Variants in L2HGDH observed in about 807,000 individuals in gnomAD.
The protein encoded by L2HGDH is L-2-hydroxyglutarate dehydrogenase, mitochondrial.
Under a neutral mutation model 51.5 loss-of-function variants are expected in L2HGDH, and 34 were observed. That is an observed-to-expected ratio of 0.66 (90% CI 0.50 to 0.88). L2HGDH has a LOEUF of 0.88. Among genes scored for constraint, L2HGDH ranks in the 40% least tolerant of loss-of-function variants. The pLI, the probability that L2HGDH is intolerant of heterozygous loss-of-function variation, is 0.00. For missense variants in L2HGDH, 558 were observed against 571.9 expected (o/e 0.98, Z 0.25); for synonymous variants, 198 against 197.9 (o/e 1.00, Z -0.01).
chr14:50,287,277 A>G, intron 4 of L2HGDH: 1 of 984,064 alleles, frequency 1.0e-6, no homozygotes, highest in South Asian at 4.7e-5. Flanking sequence ...TCAGTAATGC[A>G]TAATATAAAA....
At chr14:50,287,294 G>A (rs774755502) in intron 4 of L2HGDH, 76 of 984,228 alleles carry the variant, frequency 7.7e-5, no homozygotes, top group African/African-American at 8.8e-5. Context: ...AAAAAATCAT[G>A]GGTTCCTGTT....
rs1053062980 is a variant in L2HGDH, at chr14:50,265,436, T to C, written c.1118A>G (p.Tyr373Cys). Residue 373 changes from tyrosine (Y) to cysteine (C), a missense_variant, in exon 9 of 10, where the codon TAT (tyrosine) becomes TGT (cysteine). Coordinates refer to ENST00000267436, the MANE Select transcript of L2HGDH (RefSeq NM_024884.3). ...QNFSYGVTEMYKACFLGATVK... is the reference protein window; with the variant it reads ...QNFSYGVTEMCKACFLGATVK... ...TGTTGCACCAAGAAAACATGCTTTA[T>C]ACATTTCAGTAACTCCATAGGAAAA... 2.5e-6 allele frequency: 4 copies of C among 1,612,854 alleles called. No individual in the cohort carries two copies. Among genetic ancestry groups the C allele is most frequent in the Admixed American group, 1.7e-5 (1 of 60,006 alleles).
In L2HGDH at chr14:50,273,239, A is replaced by C. The variant is rs375099460; in HGVS notation, c.739-3909T>G. On this transcript the variant is annotated intron_variant, in intron 6 of 9. Transcript: ENST00000267436. ...TGCTCACTGAAGAGAAATCTTGGCC[A>C]AGGACAATTTTAATAATCATTAGAA... Among the ~76,000 whole-genome samples, 41 of 152,334 alleles carry C rather than the reference A, an allele frequency of 2.7e-4. 1 individual carries two copies. The highest frequency in any genetic ancestry group is 2.5e-3 in the East Asian group (13 of 5,184).
At chr14:50,273,833 C>T (rs1280467483) in intron 6 of L2HGDH, among the ~76,000 whole-genome samples, 2 of 152,198 alleles carry the variant, frequency 1.3e-5, no homozygotes, top group Non-Finnish European at 2.9e-5. Context: ...GTAATCCCCG[C>T]ACTTTGGGAG....
At chr14:50,308,342 G>A (rs1015480969) in intron 1 of L2HGDH, among the ~76,000 whole-genome samples, 11 of 150,308 alleles carry the variant, frequency 7.3e-5, no homozygotes, top group South Asian at 4.2e-4. Flanking sequence ...AGCCGAGACC[G>A]CGCCACTGCG....
chr14:50,258,932 C>G (rs1047259967), intron 9 of L2HGDH, among the ~76,000 whole-genome samples: 1 of 151,586 alleles, frequency 6.6e-6, no homozygotes, highest in Admixed American at 6.6e-5. Context: ...GCCTCGACCA[C>G]TAGGCTCAAG....
chr14:50,256,373 G>A (rs1475273338), intron 9 of L2HGDH, among the ~76,000 whole-genome samples: 2 of 151,992 alleles, frequency 1.3e-5, no homozygotes, highest in African/African-American at 4.8e-5. Context: ...CTAGGCAGGT[G>A]TGGTGGCACA....
At chr14:50,288,208 A>G (rs190881227) in intron 4 of L2HGDH, among the ~76,000 whole-genome samples, 1 of 152,350 alleles carries the variant, frequency 6.6e-6, no homozygotes, top group Non-Finnish European at 1.5e-5. Flanking sequence ...AAAATCATAT[A>G]AAGCTATGAA....
intron 5 of L2HGDH, among the ~76,000 whole-genome samples, chr14:50,281,408 C>G (rs7149462): frequency 0.035 from 5,282 of 151,932 alleles, 298 homozygotes; most frequent in African/African-American, 0.12. Flanking sequence ...GCCTGGCCAA[C>G]ACGGTGAAAC....
chr14:50,264,792 G>A (rs1227939937), intron 9 of L2HGDH, among the ~76,000 whole-genome samples: 1 of 152,148 alleles, frequency 6.6e-6, no homozygotes, highest in Non-Finnish European at 1.5e-5. Context: ...GGCTTAATAT[G>A]TGGGTGATAA....
chr14:50,288,002 G>A (rs1890657791), intron 4 of L2HGDH, among the ~76,000 whole-genome samples: 1 of 151,758 alleles, frequency 6.6e-6, no homozygotes, highest in Non-Finnish European at 1.5e-5. Flanking sequence ...CCAGCCAATA[G>A]TTGTATATAT....
chr14:50,267,145 T>TTTTTTTTA (rs1555328660), intron 8 of L2HGDH, among the ~76,000 whole-genome samples: 11 of 143,378 alleles, frequency 7.7e-5, no homozygotes, highest in Non-Finnish European at 1.5e-4. Context: ...TTCTTTTTAT[T>TTTTTTTTA]TTTATTTATT....
chr14:50,273,606 C>G (rs1889813487), intron 6 of L2HGDH, among the ~76,000 whole-genome samples: 1 of 151,736 alleles, frequency 6.6e-6, no homozygotes, highest in Non-Finnish European at 1.5e-5. Context: ...CAAAAATAAA[C>G]AAGTGGGACT....
At chr14:50,305,157 G>C (rs1234853100) in intron 1 of L2HGDH, among the ~76,000 whole-genome samples, 1 of 152,162 alleles carries the variant, frequency 6.6e-6, no homozygotes, top group East Asian at 1.9e-4. Flanking sequence ...TAACTTGGGG[G>C]TCATAAGTGG....
Position 50,267,881 on chromosome 14 carries a change from T to C in L2HGDH, c.936A>G (p.Gly312=). 1 of 1,614,070 alleles carries C rather than the reference T, an allele frequency of 6.2e-7. No individual in the cohort carries two copies. Residue 312 remains glycine, a synonymous_variant, in exon 8 of 10, where the codon GGA becomes GGG. Coordinates refer to ENST00000267436, the MANE Select transcript of L2HGDH (RefSeq NM_024884.3). ...CATCCATCCTTGGTGTGAAGTGAACTCCTAGGAAAGGAAACCGGCTATCTG... is the reference window on the plus strand; with the variant it reads ...CATCCATCCTTGGTGTGAAGTGAACCCCTAGGAAAGGAAACCGGCTATCTG... ...PVPDSRFPFL[G]VHFTPRMDGS... is the part of the protein sequence containing the mutation.
intron 8 of L2HGDH, among the ~76,000 whole-genome samples, chr14:50,266,222 A>G (rs1889323463): frequency 2.0e-5 from 3 of 152,178 alleles, no homozygotes; most frequent in Admixed American, 1.3e-4. Flanking sequence ...CTGGAACTCT[A>G]TAAAGCCTGC....
chr14:50,265,206 AT>A, intron 9 of L2HGDH, 151 bp downstream of exon 9: 6 of 652,144 alleles, frequency 9.2e-6, no homozygotes, highest in Non-Finnish European at 1.6e-5. Context: ...TGCAAAGGGA[AT>A]TCAACAACAT....
chr14:50,263,797 C>T (rs10400794), intron 9 of L2HGDH, among the ~76,000 whole-genome samples: 2,028 of 136,456 alleles, frequency 0.015, 50 homozygotes, highest in African/African-American at 0.05. Context: ...TTTTGTGAGA[C>T]GGAGTTTTGC....
At position 50,269,317 on chromosome 14, in the gene L2HGDH, C is replaced by T. The variant is rs767037296; in HGVS notation, c.752G>A (p.Arg251Gln). 3.7e-5 allele frequency: 60 copies of T among 1,613,736 alleles called. No individual in the cohort carries two copies. The highest frequency in any genetic ancestry group is 9.9e-5 in the South Asian group (9 of 91,084). The change falls in exon 7 of 10, where the codon CGA becomes CAA. Residue 251 changes from arginine (R) to glutamine (Q), a missense_variant. Transcript: ENST00000267436. Reference sequence around the variant, plus strand: ...TGCACATGTCACAACATACTGACATCGAATTTCCTCTCCCTAGTGCAAAAT... The same window carrying T: ...TGCACATGTCACAACATACTGACATTGAATTTCCTCTCCCTAGTGCAAAAT... The part of the protein sequence containing the change: ...VIKNTKGEEI[R>Q]CQYVVTCAGL...
Sources: gnomAD v4.1 joint callset for allele counts (sites outside exome capture counted in the v4.1 genomes callset) on GRCh38, gnomAD v4.1.1 for gene constraint, MANE v1.5 for transcripts, NCBI Gene and HGNC (gene_info 2026-07-23, HGNC 2026-07-21) for gene names.